GAB1: variants seen among roughly 807,000 people sequenced by gnomAD.
GAB1 encodes the protein GRB2-associated-binding protein 1.
A neutral mutation model predicts 66.5 loss-of-function variants in GAB1; 19 were observed. The observed-to-expected ratio is 0.29, with a 90% CI of 0.20 to 0.42. The LOEUF is 0.42. Ranked by LOEUF, GAB1 falls within the 10% of genes least tolerant of loss-of-function variation. GAB1 has a pLI of 1.00. For synonymous variants in GAB1, 294 were observed against 301.4 expected, an observed-to-expected ratio of 0.98 and a Z score of 0.25; for missense variants, 732 against 858.5, an observed-to-expected ratio of 0.85 and a Z score of 1.84.
At chr4:143,360,644 C>T (rs1019268423) in intron 1 of GAB1, among the ~76,000 whole-genome samples, 5 of 152,152 alleles carry the variant, frequency 3.3e-5, no homozygotes, top group Admixed American at 1.3e-4. Flanking sequence ...AAAGTTGTCT[C>T]GTGGGTTGAT....
intron 1 of GAB1, among the ~76,000 whole-genome samples, chr4:143,372,061 G>A (rs562445944): frequency 6.6e-6 from 1 of 152,236 alleles, no homozygotes; most frequent in Non-Finnish European, 1.5e-5. Context: ...ACGGTGGCTA[G>A]TGCCTGTAAT....
At chr4:143,421,239 GTTC>G (rs1424965891) in intron 2 of GAB1, among the ~76,000 whole-genome samples, 2 of 152,126 alleles carry the variant, frequency 1.3e-5, no homozygotes, top group Non-Finnish European at 2.9e-5. Flanking sequence ...TGTAACAAGA[GTTC>G]TTCATTCCTT....
intron 1 of GAB1, among the ~76,000 whole-genome samples, chr4:143,398,227 A>G (rs1226470263): frequency 1.3e-5 from 2 of 152,244 alleles, no homozygotes; most frequent in African/African-American, 4.8e-5. Flanking sequence ...GAACCTGCCA[A>G]AATTACCATA....
intron 1 of GAB1, among the ~76,000 whole-genome samples, chr4:143,386,145 T>C (rs765403063): frequency 4.6e-5 from 7 of 151,980 alleles, no homozygotes; most frequent in Admixed American, 1.3e-4. Context: ...TAAATAAAAA[T>C]TAAAGTGTAT....
intron 1 of GAB1, among the ~76,000 whole-genome samples, chr4:143,358,999 G>A (rs1330204206): frequency 6.6e-6 from 1 of 152,092 alleles, no homozygotes; most frequent in Non-Finnish European, 1.5e-5. Context: ...TTAGCTCCCT[G>A]GCTTATTTAC....
intron 1 of GAB1, among the ~76,000 whole-genome samples, chr4:143,354,664 G>A (rs888164500): frequency 6.6e-6 from 1 of 151,878 alleles, no homozygotes; most frequent in African/African-American, 2.4e-5. Context: ...TAATATTTTT[G>A]TTTACTTATA....
In GAB1 at chr4:143,349,971, G is replaced by C. The variant is rs1025629968; in HGVS notation, c.72+12711G>C. Reference sequence around the variant, plus strand: ...TGACCAAGCGGCCCAACTTGGTGACGGGCATCCACTCCTTATCCTCGGCCT... The same window carrying C: ...TGACCAAGCGGCCCAACTTGGTGACCGGCATCCACTCCTTATCCTCGGCCT... On this transcript the variant is annotated intron_variant, in intron 1 of 9. Transcript: ENST00000262994. 1.5e-5 allele frequency: 24 copies of C among 1,587,288 alleles called. No individual in the cohort carries two copies. The African/African-American group carries it at 3.0e-4, about 20-fold the overall frequency.
chr4:143,337,100 G>T lies in GAB1; in HGVS notation c.-89G>T. ...GCGCGACCAGGAGAGCTAGGTTCTC[G>T]CCACTGCGCGCTCGGCAGGCGTCGG... On this transcript the variant is annotated 5_prime_UTR_variant, in exon 1 of 10. Coordinates refer to ENST00000262994, the MANE Select transcript of GAB1 (RefSeq NM_002039.4). The T allele has an allele frequency of 1.7e-6, 2 of 1,178,766 alleles. No individual in the cohort carries two copies. The highest frequency in any genetic ancestry group is 2.4e-6 in the Non-Finnish European group (2 of 827,880). The allele number at this position is 1,178,766 out of a possible 1,614,324, so 73.0% of individuals were successfully genotyped here. A position where few individuals can be genotyped will look rare whatever the true frequency, so the allele number is the denominator to read the frequency against.
intron 1 of GAB1, among the ~76,000 whole-genome samples, chr4:143,403,929 C>G (rs1195775599): frequency 6.6e-6 from 1 of 152,074 alleles, no homozygotes; most frequent in African/African-American, 2.4e-5. Flanking sequence ...GATATTTAAG[C>G]GTTATTTTGG....
At chr4:143,402,651 G>A (rs990692178) in intron 1 of GAB1, among the ~76,000 whole-genome samples, 1 of 152,190 alleles carries the variant, frequency 6.6e-6, no homozygotes, top group Non-Finnish European at 1.5e-5. Flanking sequence ...TAATTAAATA[G>A]GGGAATAGGT....
chr4:143,341,703 G>A (rs184657375), intron 1 of GAB1, among the ~76,000 whole-genome samples: 174 of 152,320 alleles, frequency 1.1e-3, no homozygotes, highest in African/African-American at 3.9e-3. Flanking sequence ...CACACCCCTG[G>A]TTCTGGAAAT....
chr4:143,474,458 G>A lies in GAB1; in HGVS notation c.*5269G>A, dbSNP rs1049379832. On this transcript the variant is annotated 3_prime_UTR_variant, in exon 10 of 10. Transcript: ENST00000262994. Reference sequence around the variant, plus strand: ...TGTGTCAACTTGGTGAGGCTATGGCGCCCATGTGTTTGGTCAAACACTAGC... The same window carrying A: ...TGTGTCAACTTGGTGAGGCTATGGCACCCATGTGTTTGGTCAAACACTAGC... The A allele has an allele frequency of 2.0e-5, 3 of 152,108 alleles. No individual in the cohort carries two copies. Among genetic ancestry groups the A allele is most frequent in the African/African-American group, 7.2e-5 (3 of 41,404 alleles). 9.4% of individuals were successfully genotyped at this position (152,108 alleles called of 1,614,324 possible).
chr4:143,370,795 A>G (rs989254899), intron 1 of GAB1, among the ~76,000 whole-genome samples: 7 of 152,094 alleles, frequency 4.6e-5, no homozygotes, highest in African/African-American at 1.4e-4. Context: ...GAGAACATGC[A>G]GTGTTTGGTT....
intron 3 of GAB1, 72 bp downstream of exon 3, chr4:143,433,788 T>A: frequency 8.4e-7 from 1 of 1,188,528 alleles, no homozygotes; most frequent in Non-Finnish European, 1.2e-6. Flanking sequence ...GATTCTTACC[T>A]TTAAACTTTT....
chr4:143,407,142 A>G (rs141382081), intron 1 of GAB1, among the ~76,000 whole-genome samples: 2 of 152,148 alleles, frequency 1.3e-5, no homozygotes, highest in African/African-American at 2.4e-5. Context: ...AATATTACCT[A>G]TATACCTTTT....
intron 1 of GAB1, chr4:143,349,590 G>T: frequency 6.7e-7 from 1 of 1,492,036 alleles, no homozygotes; most frequent in Non-Finnish European, 9.1e-7. Flanking sequence ...CCAGCACAGA[G>T]CCGCAGCGGC....
At chr4:143,390,505 C>T (rs1041481809) in intron 1 of GAB1, among the ~76,000 whole-genome samples, 3 of 151,564 alleles carry the variant, frequency 2.0e-5, no homozygotes, top group African/African-American at 7.3e-5. Flanking sequence ...TTTTACCAAC[C>T]TCACTACTCT....
chr4:143,396,710 T>C (rs1731472743), intron 1 of GAB1, among the ~76,000 whole-genome samples: 1 of 152,202 alleles, frequency 6.6e-6, no homozygotes, highest in Admixed American at 6.5e-5. Flanking sequence ...AAATGCATAC[T>C]TTAATGAATG....
At chr4:143,417,176 C>T (rs1181157538) in intron 2 of GAB1, among the ~76,000 whole-genome samples, 1 of 152,066 alleles carries the variant, frequency 6.6e-6, no homozygotes, top group African/African-American at 2.4e-5. Flanking sequence ...AAAGGAGGGA[C>T]GCAGAACCCT....
Sources: allele counts gnomAD v4.1 joint callset (sites outside exome capture counted in the v4.1 genomes callset), GRCh38; gene constraint gnomAD v4.1.1; transcripts MANE v1.5; gene names NCBI Gene and HGNC (gene_info 2026-07-23, HGNC 2026-07-21).